Variants in PARD6G observed in about 807,000 individuals in gnomAD.
PARD6G encodes partitioning defective 6 homolog gamma.
Under a neutral mutation model 10.7 loss-of-function variants are expected in PARD6G, and 7 were observed. The observed-to-expected ratio is 0.66, with a 90% CI of 0.37 to 1.23. The LOEUF is 1.23. Among genes scored for constraint, PARD6G ranks in the 50% most tolerant of loss-of-function variants. The probability of loss-of-function intolerance (pLI) is 0.02; values close to 1 mark genes in which losing one functional copy is unlikely to be tolerated. For synonymous variants in PARD6G, 287 were observed against 269.4 expected, an observed-to-expected ratio of 1.07 and a Z score of -0.64; for missense variants, 548 against 571.8, an observed-to-expected ratio of 0.96 and a Z score of 0.42.
At chr18:80,169,285 C>G (rs1030333652) in intron 2 of PARD6G, 8 of 152,772 alleles carry the variant, frequency 5.2e-5, no homozygotes, top group African/African-American at 1.9e-4. Flanking sequence ...ATTTGGAGAA[C>G]GCACCAGGCC....
intron 1 of PARD6G, among the ~76,000 whole-genome samples, chr18:80,245,261 T>C (rs1967531496): frequency 6.6e-6 from 1 of 152,146 alleles, no homozygotes; most frequent in African/African-American, 2.4e-5. Flanking sequence ...TTGAGGCCTC[T>C]GATTCTCTGG....
In PARD6G at chr18:80,159,615, G is replaced by C; in HGVS notation, c.*156C>G. 13 of 1,153,558 alleles carry C rather than the reference G, an allele frequency of 1.1e-5. No homozygotes were observed. The highest frequency in any genetic ancestry group is 1.4e-5 in the Non-Finnish European group (13 of 897,516). 71.5% of individuals were successfully genotyped at this position (1,153,558 alleles called of 1,614,324 possible). On this transcript the variant is annotated 3_prime_UTR_variant, in exon 3 of 3. Transcript: ENST00000353265. ...TCTGTGGCGAAATTCTATAAAAATA[G>C]GCAATACTTGTGTTTTTATATCCGG...
intron 1 of PARD6G, among the ~76,000 whole-genome samples, chr18:80,210,069 C>T (rs1398969112): frequency 6.6e-6 from 1 of 152,034 alleles, no homozygotes; most frequent in Non-Finnish European, 1.5e-5. Flanking sequence ...ACCTTGGAGC[C>T]AGTTGCGATA....
In PARD6G at chr18:80,246,929, G is replaced by A. The variant is rs907955025; in HGVS notation, c.72+348C>T. ...CCGAGCAGCCCCTGGCCCTCAACTC[G>A]CCCCGGAAAGGCCGCCCTCCCCTCC... On this transcript the variant is annotated intron_variant, in intron 1 of 2. Coordinates refer to ENST00000353265, the MANE Select transcript of PARD6G (RefSeq NM_032510.4). This position sits in a 1 kb window ranked among gnomAD's most constrained non-coding sequence, Gnocchi z 6.7. 1.3e-5 allele frequency among the ~76,000 whole-genome samples: 2 copies of A among 151,936 alleles called. No homozygotes were observed. The highest frequency in any genetic ancestry group is 2.9e-5 in the Non-Finnish European group (2 of 67,936).
chr18:80,185,810 CCT>C (rs1459061259), intron 2 of PARD6G, among the ~76,000 whole-genome samples: 2 of 133,562 alleles, frequency 1.5e-5, no homozygotes, highest in Middle Eastern at 6.0e-3. Flanking sequence ...ACGCATATAC[CCT>C]GACATGCTCG....
intron 1 of PARD6G, among the ~76,000 whole-genome samples, chr18:80,245,867 G>C (rs1198031606): frequency 6.6e-6 from 1 of 152,066 alleles, no homozygotes; most frequent in African/African-American, 2.4e-5. Flanking sequence ...CGAGGTCATG[G>C]GGCAAGGGTA....
intron 1 of PARD6G, among the ~76,000 whole-genome samples, chr18:80,227,352 T>G (rs1225940539): frequency 1.3e-5 from 2 of 152,198 alleles, no homozygotes; most frequent in Non-Finnish European, 2.9e-5. Flanking sequence ...CACAAAGTCA[T>G]GAAATGTGTT....
rs890815947 is a variant in PARD6G, at chr18:80,208,740, T to TA, written c.73-5809dup. Among the ~76,000 whole-genome samples, 229 of 149,232 alleles carry TA rather than the reference T, an allele frequency of 1.5e-3. 3 individuals are homozygous for TA. Among genetic ancestry groups the TA allele is most frequent in the Admixed American group, 7.9e-3 (119 of 15,002 alleles). On this transcript the variant is annotated intron_variant, in intron 1 of 2. Transcript: ENST00000353265. ...CAACATAGCAAGACCTTGTTTATGT[T>TA]AAAAAAAAAAATCAAATTTCCTAAA...
intron 1 of PARD6G, among the ~76,000 whole-genome samples, chr18:80,239,571 G>C (rs1401407029): frequency 6.6e-6 from 1 of 152,256 alleles, no homozygotes; most frequent in Non-Finnish European, 1.5e-5. Flanking sequence ...GGACAAGCTT[G>C]GTCTACAAGG....
At chr18:80,219,167 T>G (rs1423565810) in intron 1 of PARD6G, among the ~76,000 whole-genome samples, 2 of 152,052 alleles carry the variant, frequency 1.3e-5, no homozygotes, top group African/African-American at 2.4e-5. Context: ...TTATGCAAAT[T>G]TCTGCAGTAG....
At chr18:80,165,808 G>A (rs931458967) in intron 2 of PARD6G, among the ~76,000 whole-genome samples, 1 of 152,212 alleles carries the variant, frequency 6.6e-6, no homozygotes, top group African/African-American at 2.4e-5. Context: ...TCCACTGGGT[G>A]CGCTGGCTCA....
At chr18:80,222,196 T>C (rs1967238808) in intron 1 of PARD6G, among the ~76,000 whole-genome samples, 1 of 151,866 alleles carries the variant, frequency 6.6e-6, no homozygotes, top group Non-Finnish European at 1.5e-5. Context: ...GTGATCTTCC[T>C]GCATCAGCCT....
At position 80,225,238 on chromosome 18, in the gene PARD6G, T is replaced by C. The variant is rs749254772; in HGVS notation, c.72+22039A>G. Among the ~76,000 whole-genome samples the C allele has an allele frequency of 6.4e-4, 97 of 152,064 alleles. 1 individual carries two copies. Among genetic ancestry groups the C allele is most frequent in the Non-Finnish European group, 1.0e-4 (7 of 68,016 alleles). On this transcript the variant is annotated intron_variant, in intron 1 of 2. Coordinates refer to ENST00000353265, the MANE Select transcript of PARD6G (RefSeq NM_032510.4). ...GGGTCCAAAATAATGAAGAGGAGAA[T>C]TTTAACAGTATTTTCTTGTCACCTA...
intron 2 of PARD6G, among the ~76,000 whole-genome samples, chr18:80,164,309 A>C (rs941678947): frequency 2.0e-5 from 3 of 152,056 alleles, no homozygotes; most frequent in Non-Finnish European, 4.4e-5. Context: ...GGGCCATCCT[A>C]ACAGCCCCTC....
rs1599840822 is a variant in PARD6G, at chr18:80,161,899, T to A, written c.296-1293A>T. On this transcript the variant is annotated intron_variant, in intron 2 of 2. Transcript: ENST00000353265. The surrounding 1 kb of genome is among the most constrained non-coding windows in gnomAD (Gnocchi z 4.6). ...GGCCCATTATGACTTGCTTTGGAGA[T>A]GGGGAATGCTGGTTGACAGTTCTGG... 6.6e-6 allele frequency: 1 copy of A among 152,276 alleles called. No individual in the cohort carries two copies. The highest frequency in any genetic ancestry group is 1.5e-5 in the Non-Finnish European group (1 of 68,080). The allele number at this position is 152,276 out of a possible 1,614,324, so 9.4% of individuals were successfully genotyped here. A position where few individuals can be genotyped will look rare whatever the true frequency, so the allele number is the denominator to read the frequency against.
intron 1 of PARD6G, among the ~76,000 whole-genome samples, chr18:80,219,200 T>C (rs1051926069): frequency 2.3e-5 from 2 of 88,262 alleles, no homozygotes; most frequent in Non-Finnish European, 5.0e-5. Flanking sequence ...CCCCAGAAAA[T>C]AGGGTTTGTT....
Position 80,201,453 on chromosome 18 carries a change from C to T in PARD6G, c.295+1257G>A, listed in dbSNP as rs912044247. On this transcript the variant is annotated intron_variant, in intron 2 of 2. Transcript: ENST00000353265. This position sits in a 1 kb window ranked among gnomAD's most constrained non-coding sequence, Gnocchi z 5.9. ...CGAGGGTCCTTGCCCCCAGCAACCC[C>T]GAAGGACTGATGTGGAAGCTGAAGC... Among the ~76,000 whole-genome samples, 2 of 152,152 alleles carry T rather than the reference C, an allele frequency of 1.3e-5. No homozygotes were observed. Among genetic ancestry groups the T allele is most frequent in the Non-Finnish European group, 2.9e-5 (2 of 68,014 alleles).
intron 1 of PARD6G, among the ~76,000 whole-genome samples, chr18:80,205,997 C>A (rs996333570): frequency 6.6e-6 from 1 of 152,224 alleles, no homozygotes; most frequent in South Asian, 2.1e-4. Context: ...GAACGCCAGG[C>A]CTCCCTGAAA....
chr18:80,178,495 C>G (rs1481120933), intron 2 of PARD6G: 1 of 152,390 alleles, frequency 6.6e-6, no homozygotes, highest in Non-Finnish European at 1.5e-5. Context: ...AGGAGCATCC[C>G]TGGAGAATCC....
Sources: gnomAD v4.1 joint callset for allele counts (sites outside exome capture counted in the v4.1 genomes callset) on GRCh38, gnomAD v4.1.1 for gene constraint, Gnocchi (gnomAD v3.1) non-coding constraint, MANE v1.5 for transcripts, NCBI Gene and HGNC (gene_info 2026-07-23, HGNC 2026-07-21) for gene names.